The following SMIM3 variants were observed in gnomAD, a reference collection of about 807,000 sequenced individuals.
SMIM3 encodes NGF-induced differentiation clone 67 protein.
SMIM3 carries 4 observed loss-of-function variants against 2.1 expected under a neutral mutation model. That is an observed-to-expected ratio of 1.89 (90% CI 0.93 to 4.31). The LOEUF (loss-of-function observed/expected upper bound fraction) is 4.31, where lower values mean the gene tolerates loss of function less well. Ranked by LOEUF, SMIM3 falls within the 30% of genes most tolerant of loss-of-function variation. SMIM3 has a pLI of 0.01. For synonymous variants in SMIM3, 29 were observed against 30.8 expected (o/e 0.94, Z 0.19); for missense variants, 79 against 77.7 (o/e 1.02, Z -0.06).
At position 150,796,670 on chromosome 5, in the gene SMIM3, T is replaced by C. The variant is rs1753412667; in HGVS notation, c.*1047T>C. ...TCGGGATATTATTGTGTGAAAATGC[T>C]GCTTTTACTTTGATGTGATCTCATT... On this transcript the variant is annotated 3_prime_UTR_variant, in exon 2 of 2. Coordinates refer to ENST00000526627, the MANE Select transcript of SMIM3 (RefSeq NM_032947.5). 1 of 152,404 alleles carries C rather than the reference T, an allele frequency of 6.6e-6. No individual in the cohort carries two copies. The highest frequency in any genetic ancestry group is 1.5e-5 in the Non-Finnish European group (1 of 68,048). The allele number at this position is 152,404 out of a possible 1,614,324, so 9.4% of individuals were successfully genotyped here.
chr5:150,788,512 G>C (rs1753315707), intron 1 of SMIM3, among the ~76,000 whole-genome samples: 1 of 151,618 alleles, frequency 6.6e-6, no homozygotes, highest in African/African-American at 2.4e-5. Context: ...GCGCACACCT[G>C]TAGTCCCAGC....
At chr5:150,789,981 G>A (rs770843899) in intron 1 of SMIM3, among the ~76,000 whole-genome samples, 49 of 152,280 alleles carry the variant, frequency 3.2e-4, no homozygotes, top group Admixed American at 7.2e-4. Context: ...TTGCAAAAGA[G>A]TAATATTAGT....
At chr5:150,787,937 C>T (rs1753309852) in intron 1 of SMIM3, among the ~76,000 whole-genome samples, 1 of 151,998 alleles carries the variant, frequency 6.6e-6, no homozygotes, top group Non-Finnish European at 1.5e-5. Context: ...ATACCAAGTA[C>T]TTGACATATG....
At position 150,795,498 on chromosome 5, in the gene SMIM3, A is replaced by G; in HGVS notation, c.58A>G (p.Ile20Val). Residue 20 changes from isoleucine (I) to valine (V), a missense_variant, in exon 2 of 2, where the codon ATC becomes GTC. Physicochemically the swap from Ile to Val is conservative, Grantham distance 29. Coordinates refer to ENST00000526627, the MANE Select transcript of SMIM3 (RefSeq NM_032947.5). ...EVVLPKHILD[I>V]WVIVLIILAT... ...CGTGCTTCCCAAGCACATCCTGGAT[A>G]TCTGGGTTATTGTCCTCATCATCCT... 1 of 1,613,808 alleles carries G rather than the reference A, an allele frequency of 6.2e-7. No homozygotes were observed. The highest frequency in any genetic ancestry group is 8.5e-7 in the Non-Finnish European group (1 of 1,179,872).
intron 1 of SMIM3, among the ~76,000 whole-genome samples, chr5:150,792,570 T>C (rs1206611502): frequency 3.9e-5 from 6 of 152,352 alleles, no homozygotes; most frequent in African/African-American, 1.4e-4. Flanking sequence ...GGTCTTGCTC[T>C]GTCACCCAGG....
At chr5:150,779,076 G>A (rs981521210) in intron 1 of SMIM3, 104 bp downstream of exon 1, 6 of 447,120 alleles carry the variant, frequency 1.3e-5, no homozygotes, top group Admixed American at 5.1e-5. Context: ...GGCTCCCAAC[G>A]TTCTTCTTTA....
chr5:150,792,343 G>A (rs1753357496), intron 1 of SMIM3, among the ~76,000 whole-genome samples: 1 of 152,194 alleles, frequency 6.6e-6, no homozygotes, highest in Non-Finnish European at 1.5e-5. Context: ...GCTGAGCACT[G>A]AAGTGTCCTG....
Position 150,795,795 on chromosome 5 carries a change from T to G in SMIM3, c.*172T>G. ...GGTCAAGGGACCTAACTCTCTGAGT[T>G]CCAGGTTCCTTATCTTTCAAATGGG... On this transcript the variant is annotated 3_prime_UTR_variant, in exon 2 of 2. Coordinates refer to ENST00000526627, the MANE Select transcript of SMIM3 (RefSeq NM_032947.5). 1 of 663,662 alleles carries G rather than the reference T, an allele frequency of 1.5e-6. No individual in the cohort carries two copies. Among genetic ancestry groups the G allele is most frequent in the East Asian group, 2.7e-5 (1 of 36,450 alleles). The allele number at this position is 663,662 out of a possible 1,614,324, so 41.1% of individuals were successfully genotyped here.
At chr5:150,782,928 C>T (rs146104875) in intron 1 of SMIM3, among the ~76,000 whole-genome samples, 407 of 152,200 alleles carry the variant, frequency 2.7e-3, no homozygotes, top group African/African-American at 9.2e-3. Flanking sequence ...CCTGTGCTTG[C>T]GTTTGAGGGA....
chr5:150,788,580 G>A (rs540147923), intron 1 of SMIM3, among the ~76,000 whole-genome samples: 1 of 149,090 alleles, frequency 6.7e-6, no homozygotes, highest in African/African-American at 2.5e-5. Context: ...GATGCAGTGA[G>A]CTGAGATCAC....
intron 1 of SMIM3, among the ~76,000 whole-genome samples, chr5:150,781,316 A>G (rs1753230779): frequency 6.6e-6 from 1 of 152,214 alleles, no homozygotes; most frequent in African/African-American, 2.4e-5. Context: ...GGATCCCTAG[A>G]GACCTAGTAT....
rs574903274 is a variant in SMIM3, at chr5:150,779,209, C to T, written c.-12+237C>T. Among the ~76,000 whole-genome samples the T allele has an allele frequency of 2.6e-5, 4 of 152,270 alleles. No homozygotes were observed. In the South Asian group the frequency reaches 8.3e-4, roughly 32 times the overall value. On this transcript the variant is annotated intron_variant, in intron 1 of 1. Transcript: ENST00000526627. The stretch of plus-strand genomic sequence containing the variant: ...GCCTCCTAGTGCACAGAATTTTGGG[C>T]CTGGGGGAGGCGGAGCTTGGGTGGG...
intron 1 of SMIM3, among the ~76,000 whole-genome samples, chr5:150,787,147 C>T (rs529770693): frequency 1.1e-3 from 171 of 152,254 alleles, no homozygotes; most frequent in African/African-American, 3.7e-3. Flanking sequence ...CTCCATTCTC[C>T]GGTAGGGGAA....
At chr5:150,788,086 T>C (rs1225506715) in intron 1 of SMIM3, among the ~76,000 whole-genome samples, 1 of 152,242 alleles carries the variant, frequency 6.6e-6, no homozygotes, top group African/African-American at 2.4e-5. Context: ...GCTTGTTGCC[T>C]TGAATCCAGT....
intron 1 of SMIM3, among the ~76,000 whole-genome samples, chr5:150,785,553 T>C (rs1753282171): frequency 1.3e-5 from 2 of 151,564 alleles, no homozygotes; most frequent in South Asian, 4.2e-4. Context: ...TATCTTTGGA[T>C]CTCAGCAGAT....
In SMIM3 at chr5:150,778,826, G is replaced by A. The variant is rs756495848; in HGVS notation, c.-158G>A. On this transcript the variant is annotated 5_prime_UTR_variant, in exon 1 of 2. Coordinates refer to ENST00000526627, the MANE Select transcript of SMIM3 (RefSeq NM_032947.5). ...CCGCCTCCCGGGGCTCGGAGGAGCC[G>A]GGGCACGTTCCAGGAGCTGCCTAGG... The A allele has an allele frequency of 2.7e-5, 13 of 475,642 alleles. No individual in the cohort carries two copies. The highest frequency in any genetic ancestry group is 2.4e-4 in the African/African-American group (12 of 50,386). The allele number at this position is 475,642 out of a possible 1,614,324, so 29.5% of individuals were successfully genotyped here.
intron 1 of SMIM3, among the ~76,000 whole-genome samples, chr5:150,780,338 C>G (rs528416790): frequency 6.6e-6 from 1 of 152,074 alleles, no homozygotes; most frequent in Non-Finnish European, 1.5e-5. Context: ...TCTAGACACA[C>G]GCAAAGCAGC....
chr5:150,787,519 G>A (rs1048309649), intron 1 of SMIM3, among the ~76,000 whole-genome samples: 2 of 152,116 alleles, frequency 1.3e-5, no homozygotes, highest in African/African-American at 4.8e-5. Flanking sequence ...TTATACATTG[G>A]GTCTGTGTGG....
At position 150,795,667 on chromosome 5, in the gene SMIM3, T is replaced by C; in HGVS notation, c.*44T>C. 2 of 1,521,194 alleles carry C rather than the reference T, an allele frequency of 1.3e-6. No homozygotes were observed. Among genetic ancestry groups the C allele is most frequent in the Non-Finnish European group, 1.8e-6 (2 of 1,133,834 alleles). The allele number at this position is 1,521,194 out of a possible 1,614,324, so 94.2% of individuals were successfully genotyped here. Reference sequence around the variant, plus strand: ...GGGTGAGGGATGAGGACAGGCATCCTATCCCCAGCCTCTTCCTGTCTTCAG... The same window carrying C: ...GGGTGAGGGATGAGGACAGGCATCCCATCCCCAGCCTCTTCCTGTCTTCAG... On this transcript the variant is annotated 3_prime_UTR_variant, in exon 2 of 2. Coordinates refer to ENST00000526627, the MANE Select transcript of SMIM3 (RefSeq NM_032947.5).
Sources: gnomAD v4.1 joint callset for allele counts (sites outside exome capture counted in the v4.1 genomes callset) on GRCh38, gnomAD v4.1.1 for gene constraint, MANE v1.5 for transcripts, NCBI Gene and HGNC (gene_info 2026-07-23, HGNC 2026-07-21) for gene names.